NKIRAS1: variants seen among roughly 807,000 people sequenced by gnomAD.
NKIRAS1 encodes NFKB inhibitor interacting Ras like 1.
A neutral mutation model predicts 19.8 loss-of-function variants in NKIRAS1; 16 were observed. The observed-to-expected ratio is 0.81, with a 90% CI of 0.55 to 1.23. NKIRAS1 has a LOEUF of 1.23. Among genes scored for constraint, NKIRAS1 ranks in the 50% most tolerant of loss-of-function variants. NKIRAS1 has a pLI of 0.00. For synonymous variants in NKIRAS1, 88 were observed against 79.0 expected (o/e 1.11, Z -0.61); for missense variants, 184 against 220.0 (o/e 0.84, Z 1.04).
chr3:23,912,999 C>T (rs1459884053), intron 1 of NKIRAS1, among the ~76,000 whole-genome samples: 2 of 145,958 alleles, frequency 1.4e-5, no homozygotes, highest in African/African-American at 5.2e-5. Context: ...CGAGATCATG[C>T]CACTGCACTC....
upstream of NKIRAS1, chr3:23,917,337 G>T (rs1314837954): frequency 6.5e-6 from 1 of 153,174 alleles, no homozygotes; most frequent in South Asian, 2.0e-4. Context: ...GGCGGCCCCC[G>T]GGGCGGGTTG....
intron 1 of NKIRAS1, among the ~76,000 whole-genome samples, chr3:23,915,686 G>A (rs1023136340): frequency 6.6e-5 from 10 of 152,102 alleles, no homozygotes; most frequent in Non-Finnish European, 1.2e-4. Context: ...CCCCTACTGT[G>A]AATTTCAGCC....
At chr3:23,945,381 GCCGCCGC>G (rs1705622432) in intron 1 of NKIRAS1, 1 of 175,296 alleles carries the variant, frequency 5.7e-6, no homozygotes, top group Non-Finnish European at 1.2e-5. Flanking sequence ...CCGCTCGCCG[GCCGCCGC>G]CACCCTCTCT....
At chr3:23,933,698 A>G (rs778857118) in intron 1 of NKIRAS1, among the ~76,000 whole-genome samples, 1 of 152,152 alleles carries the variant, frequency 6.6e-6, no homozygotes. Context: ...AGGGGGTAAT[A>G]TCACCCCTAA....
intron 1 of NKIRAS1, among the ~76,000 whole-genome samples, chr3:23,935,710 G>A (rs1482718799): frequency 6.6e-6 from 1 of 152,132 alleles, no homozygotes; most frequent in African/African-American, 2.4e-5. Context: ...TTACAGGTGT[G>A]AGCCATCACA....
chr3:23,908,702 C>T (rs1703322977), intron 3 of NKIRAS1, among the ~76,000 whole-genome samples: 1 of 151,954 alleles, frequency 6.6e-6, no homozygotes, highest in Non-Finnish European at 1.5e-5. Flanking sequence ...TTTTTTCAGA[C>T]AGGGTCTCCT....
chr3:23,912,357 A>C (rs1477827784), intron 1 of NKIRAS1, among the ~76,000 whole-genome samples: 3 of 152,186 alleles, frequency 2.0e-5, no homozygotes, highest in Non-Finnish European at 4.4e-5. Context: ...AAAAACAAAC[A>C]ACCCCATCAA....
At chr3:23,918,871 A>G (rs1559511795), upstream of NKIRAS1, 1 of 506,150 alleles carries the variant, frequency 2.0e-6, no homozygotes, top group Non-Finnish European at 3.4e-6. Context: ...TTTTAAAGCT[A>G]AACGTTGCTG....
rs2125342790 is a variant in NKIRAS1, at chr3:23,892,791, G to T, written c.*304C>A. 1 of 190,404 alleles carries T rather than the reference G, an allele frequency of 5.3e-6. No homozygotes were observed. Among genetic ancestry groups the T allele is most frequent in the East Asian group, 1.2e-4 (1 of 8,116 alleles). 11.8% of individuals were successfully genotyped at this position (190,404 alleles called of 1,614,324 possible). A position where few individuals can be genotyped will look rare whatever the true frequency, so the allele number is the denominator to read the frequency against. On this transcript the variant is annotated 3_prime_UTR_variant, in exon 5 of 5. Transcript: ENST00000425478. ...GGTTGGGGGGAAGTTACACATAGGT[G>T]CATTTGCATAACTATCCAAACTATT...
chr3:23,940,860 C>T (rs759073884), intron 1 of NKIRAS1, among the ~76,000 whole-genome samples: 1 of 152,082 alleles, frequency 6.6e-6, no homozygotes, highest in Non-Finnish European at 1.5e-5. Context: ...TCATGATGAA[C>T]GGCAACTGCA....
intron 1 of NKIRAS1, among the ~76,000 whole-genome samples, chr3:23,914,499 G>T (rs1445172467): frequency 2.6e-5 from 4 of 152,138 alleles, no homozygotes; most frequent in Non-Finnish European, 5.9e-5. Context: ...ATCCATATAT[G>T]AATATATTTA....
chr3:23,910,360 G>A (rs1389988841), intron 3 of NKIRAS1, among the ~76,000 whole-genome samples: 1 of 150,998 alleles, frequency 6.6e-6, no homozygotes, highest in Non-Finnish European at 1.5e-5. Context: ...TCACCATGTT[G>A]GCCAGGCTGG....
upstream of NKIRAS1, chr3:23,917,776 A>G (rs1275545987): frequency 4.2e-6 from 6 of 1,419,436 alleles, no homozygotes; most frequent in East Asian, 1.2e-4. Flanking sequence ...TTGTTGGGGA[A>G]CTAAGATGGA....
chr3:23,941,082 G>A (rs1324548418), intron 1 of NKIRAS1, among the ~76,000 whole-genome samples: 1 of 152,240 alleles, frequency 6.6e-6, no homozygotes, highest in East Asian at 1.9e-4. Context: ...TTTGAGAACT[G>A]CTCATCTAGG....
intron 1 of NKIRAS1, among the ~76,000 whole-genome samples, chr3:23,925,513 G>A (rs1705197754): frequency 6.6e-6 from 1 of 152,070 alleles, no homozygotes; most frequent in Non-Finnish European, 1.5e-5. Flanking sequence ...ATGCGCCTGT[G>A]GTTCCAGCTA....
At chr3:23,903,165 G>C (rs1202765734) in intron 3 of NKIRAS1, among the ~76,000 whole-genome samples, 1 of 152,142 alleles carries the variant, frequency 6.6e-6, no homozygotes, top group Non-Finnish European at 1.5e-5. Flanking sequence ...CTGGGCTGAA[G>C]TTCAGTGGGA....
At chr3:23,917,811 TAA>T, upstream of NKIRAS1, 1 of 1,562,046 alleles carries the variant, frequency 6.4e-7, no homozygotes, top group Non-Finnish European at 8.7e-7. Flanking sequence ...TTATTGTACT[TAA>T]AGCGGATGAT....
upstream of NKIRAS1, chr3:23,921,573 T>TTG: frequency 2.3e-5 from 10 of 427,230 alleles, no homozygotes; most frequent in African/African-American, 2.1e-4. Context: ...TTATTGAGTT[T>TTG]TTTTTTTTTT....
At chr3:23,921,863 C>G, upstream of NKIRAS1, 1 of 487,802 alleles carries the variant, frequency 2.1e-6, no homozygotes, top group Non-Finnish European at 3.6e-6. Flanking sequence ...GCGTGAGCCA[C>G]CACCCCCAGC....
Sources: allele counts gnomAD v4.1 joint callset (sites outside exome capture counted in the v4.1 genomes callset), GRCh38; gene constraint gnomAD v4.1.1; transcripts MANE v1.5; gene names NCBI Gene and HGNC (gene_info 2026-07-23, HGNC 2026-07-21).